Variants in HYCC1 observed in about 807,000 individuals in gnomAD.
HYCC1 encodes the protein hyccin.
chr7:22,986,079 T>C, the HYCC1 span, among the ~76,000 whole-genome samples: 1 of 151,772 alleles, frequency 6.6e-6, no homozygotes, highest in Admixed American at 6.6e-5. Context: ...ATTAAAAACA[T>C]GAATTACAAT....
chr7:22,967,959 C>T, the HYCC1 span, among the ~76,000 whole-genome samples: 1 of 152,132 alleles, frequency 6.6e-6, no homozygotes, highest in African/African-American at 2.4e-5. Flanking sequence ...AAAGCACTGC[C>T]ATCCCTCTTC....
the HYCC1 span, among the ~76,000 whole-genome samples, chr7:22,925,762 G>T: frequency 6.6e-6 from 1 of 152,194 alleles, no homozygotes; most frequent in Non-Finnish European, 1.5e-5. Flanking sequence ...CACTCTGCAG[G>T]ATATTATCCA....
chr7:22,905,733 C>T, the HYCC1 span, among the ~76,000 whole-genome samples: 12 of 151,994 alleles, frequency 7.9e-5, no homozygotes, highest in Admixed American at 1.3e-4. Context: ...TGGTTTTTCA[C>T]ATAGAATATA....
chr7:22,913,610 C>T, the HYCC1 span, among the ~76,000 whole-genome samples: 2 of 152,232 alleles, frequency 1.3e-5, no homozygotes, highest in African/African-American at 4.8e-5. Flanking sequence ...CAATAAGTCT[C>T]TGGAGCTCCC....
chr7:22,930,757 A>AT, the HYCC1 span, among the ~76,000 whole-genome samples: 2 of 152,108 alleles, frequency 1.3e-5, no homozygotes, highest in Non-Finnish European at 2.9e-5. Flanking sequence ...CATAAAAAGA[A>AT]TTTTTATGGT....
At chr7:22,945,223 A>AAAAAC in the HYCC1 span, 1 of 299,226 alleles carries the variant, frequency 3.3e-6, no homozygotes. Flanking sequence ...GGAGCTATTA[A>AAAAAC]AAAACCAAAC....
the HYCC1 span, among the ~76,000 whole-genome samples, chr7:23,000,437 T>C: frequency 6.6e-6 from 1 of 152,102 alleles, no homozygotes; most frequent in African/African-American, 2.4e-5. Context: ...TATCAAAACA[T>C]GTACATATGT....
chr7:22,935,523 A>G, the HYCC1 span: 45 of 152,236 alleles, frequency 3.0e-4, no homozygotes, highest in African/African-American at 1.0e-3. Context: ...AGGCACTGGC[A>G]TTCAGTTTTT....
the HYCC1 span, among the ~76,000 whole-genome samples, chr7:22,982,176 T>C: frequency 6.6e-6 from 1 of 152,210 alleles, no homozygotes; most frequent in Non-Finnish European, 1.5e-5. Flanking sequence ...AAACCAAACA[T>C]GGAAAACCTT....
the HYCC1 span, among the ~76,000 whole-genome samples, chr7:22,988,110 T>A: frequency 1.3e-5 from 2 of 151,286 alleles, no homozygotes; most frequent in East Asian, 3.8e-4. Flanking sequence ...TTGTCAAACA[T>A]AGAGCTGAAT....
the HYCC1 span, among the ~76,000 whole-genome samples, chr7:22,909,044 C>A: frequency 6.6e-6 from 1 of 152,196 alleles, no homozygotes; most frequent in Non-Finnish European, 1.5e-5. Context: ...CATGACCATG[C>A]TGGGAGAGGA....
the HYCC1 span, among the ~76,000 whole-genome samples, chr7:22,999,250 T>C: frequency 1.3e-5 from 2 of 152,194 alleles, no homozygotes; most frequent in African/African-American, 4.8e-5. Context: ...TAATATTGGG[T>C]AAAAATCTAC....
the HYCC1 span, among the ~76,000 whole-genome samples, chr7:22,914,021 A>G: frequency 6.6e-6 from 1 of 151,952 alleles, no homozygotes. Context: ...CTACCCTTCA[A>G]TCTCCCTTTC....
At chr7:22,922,967 G>GATACTTCA in the HYCC1 span, among the ~76,000 whole-genome samples, 2 of 152,102 alleles carry the variant, frequency 1.3e-5, no homozygotes. Flanking sequence ...ATAATAGTGA[G>GATACTTCA]ATACTTCAAT....
the HYCC1 span, among the ~76,000 whole-genome samples, chr7:22,978,652 T>C: frequency 7.9e-5 from 12 of 152,020 alleles, no homozygotes; most frequent in Admixed American, 7.2e-4. Flanking sequence ...GACTATGGGG[T>C]TGAAGAAATT....
the HYCC1 span, among the ~76,000 whole-genome samples, chr7:22,969,228 G>A: frequency 6.6e-6 from 1 of 152,032 alleles, no homozygotes; most frequent in African/African-American, 2.4e-5. Flanking sequence ...AGGCTGGAGT[G>A]CAGTGGTGCA....
chr7:22,966,600 G>A, the HYCC1 span, among the ~76,000 whole-genome samples: 1 of 152,130 alleles, frequency 6.6e-6, no homozygotes, highest in Non-Finnish European at 1.5e-5. Context: ...GATATAATAT[G>A]AGCTTCACTT....
At chr7:22,905,386 ATTTT>A in the HYCC1 span, among the ~76,000 whole-genome samples, 19 of 44,468 alleles carry the variant, frequency 4.3e-4, no homozygotes, top group African/African-American at 1.6e-3. Flanking sequence ...CTAATTTTGT[ATTTT>A]TTTTTTTTTT....
the HYCC1 span, among the ~76,000 whole-genome samples, chr7:22,973,932 G>A: frequency 2.6e-5 from 4 of 152,034 alleles, no homozygotes; most frequent in East Asian, 5.8e-4. Context: ...GAGTGGTTGG[G>A]CACTGTATTA....
Sources: gnomAD v4.1 joint callset for allele counts (sites outside exome capture counted in the v4.1 genomes callset) on GRCh38, gnomAD v4.1.1 for gene constraint, MANE v1.5 for transcripts, NCBI Gene and HGNC (gene_info 2026-07-23, HGNC 2026-07-21) for gene names.